The following HECW1 variants were observed in gnomAD, a reference collection of about 807,000 sequenced individuals.
The protein encoded by HECW1 is E3 ubiquitin-protein ligase HECW1.
Under a neutral mutation model 182.3 loss-of-function variants are expected in HECW1, and 61 were observed. The observed-to-expected ratio is 0.33, with a 90% confidence interval of 0.27 to 0.41. The LOEUF (loss-of-function observed/expected upper bound fraction) is 0.41. Ranked by LOEUF, HECW1 falls within the 10% of genes least tolerant of loss-of-function variation. The probability of loss-of-function intolerance (pLI) is 1.00; values close to 1 mark genes in which losing one functional copy is unlikely to be tolerated. For missense variants in HECW1, 1,739 were observed against 2,108.9 expected, an observed-to-expected ratio of 0.82 and a Z score of 3.44; for synonymous variants, 859 against 832.6, an observed-to-expected ratio of 1.03 and a Z score of -0.55.
intron 2 of HECW1, among the ~76,000 whole-genome samples, chr7:43,201,897 T>C (rs1312498278): frequency 6.6e-6 from 1 of 152,222 alleles, no homozygotes; most frequent in East Asian, 1.9e-4. Context: ...ACTAAAATAA[T>C]GGTTCATGTG....
chr7:43,497,423 TC>T (rs1234635938), intron 19 of HECW1, among the ~76,000 whole-genome samples: 1 of 152,178 alleles, frequency 6.6e-6, no homozygotes, highest in Non-Finnish European at 1.5e-5. Context: ...TGAGAAGTTT[TC>T]AGCTGGAAAG....
intron 8 of HECW1, among the ~76,000 whole-genome samples, chr7:43,416,133 T>C (rs997847114): frequency 4.0e-5 from 6 of 151,166 alleles, no homozygotes; most frequent in African/African-American, 1.5e-4. Flanking sequence ...AGTTTTTCTG[T>C]TCTGTTTTTT....
At chr7:43,520,636 T>C (rs1397958038) in intron 24 of HECW1, among the ~76,000 whole-genome samples, 1 of 152,122 alleles carries the variant, frequency 6.6e-6, no homozygotes, top group Non-Finnish European at 1.5e-5. Flanking sequence ...TTATTATTAT[T>C]ATTCTACTTT....
At chr7:43,449,816 G>A (rs2077173950) in intron 11 of HECW1, among the ~76,000 whole-genome samples, 1 of 152,154 alleles carries the variant, frequency 6.6e-6, no homozygotes, top group Admixed American at 6.5e-5. Context: ...TTTGTCCCGG[G>A]CCCTTCTCAC....
At chr7:43,504,894 A>G (rs1429924476) in intron 21 of HECW1, among the ~76,000 whole-genome samples, 1 of 152,172 alleles carries the variant, frequency 6.6e-6, no homozygotes, top group Non-Finnish European at 1.5e-5. Flanking sequence ...GAGGTCACGA[A>G]AGGAGGTGTC....
intron 2 of HECW1, among the ~76,000 whole-genome samples, chr7:43,196,555 G>A (rs1407053083): frequency 6.6e-6 from 1 of 152,158 alleles, no homozygotes; most frequent in Non-Finnish European, 1.5e-5. Context: ...CTCTCAGAGG[G>A]TAACTGCATA....
At chr7:43,401,503 C>T (rs2075405943) in intron 7 of HECW1, among the ~76,000 whole-genome samples, 1 of 149,626 alleles carries the variant, frequency 6.7e-6, no homozygotes, top group African/African-American at 2.4e-5. Flanking sequence ...AGAAGACCAT[C>T]AGGTGCTCAG....
chr7:43,322,537 G>A (rs374516282), intron 5 of HECW1, among the ~76,000 whole-genome samples: 1 of 151,850 alleles, frequency 6.6e-6, no homozygotes, highest in Non-Finnish European at 1.5e-5. Flanking sequence ...ACATAAACTC[G>A]CCCTCAGCCC....
chr7:43,241,779 G>A (rs1226185068), intron 2 of HECW1, among the ~76,000 whole-genome samples: 1 of 152,038 alleles, frequency 6.6e-6, no homozygotes, highest in African/African-American at 2.4e-5. Context: ...AATTTTGCAA[G>A]ATAGACATTA....
At chr7:43,547,953 A>G (rs917515830) in intron 26 of HECW1, among the ~76,000 whole-genome samples, 1 of 152,268 alleles carries the variant, frequency 6.6e-6, no homozygotes, top group African/African-American at 2.4e-5. Flanking sequence ...GAGGCTATTC[A>G]TCAGCAACAC....
At chr7:43,424,210 A>G (rs1264627939) in intron 8 of HECW1, among the ~76,000 whole-genome samples, 1 of 152,126 alleles carries the variant, frequency 6.6e-6, no homozygotes, top group African/African-American at 2.4e-5. Context: ...GTCTTGCTGG[A>G]AGAAAATTAC....
rs71008897 is a variant in HECW1 at position 43,221,537 on chromosome 7, GTTTTTTTTTTTTTTTTTTTTTTTTT to G, written c.-31-22320_-31-22296del. 7.0e-3 allele frequency among the ~76,000 whole-genome samples: 352 copies of G among 50,542 alleles called. 2 individuals carry two copies. The highest frequency in any genetic ancestry group is 0.013 in the South Asian group (12 of 902). The allele number at this position is 50,542 out of a possible 152,430, so 33.2% of individuals were successfully genotyped here. A position where few individuals can be genotyped will look rare whatever the true frequency, so the allele number is the denominator to read the frequency against. ...CTAAACTAAATGTCAGAGGAATTAG[GTTTTTTTTTTTTTTTTTTTTTTTTT>G]TTTTTTTTTTTTTTTTTGGGACAGC... On this transcript the variant is annotated intron_variant, in intron 2 of 29. Coordinates refer to ENST00000395891, the MANE Select transcript of HECW1 (RefSeq NM_015052.5).
intron 2 of HECW1, among the ~76,000 whole-genome samples, chr7:43,153,845 A>T (rs1287738960): frequency 6.6e-6 from 1 of 152,230 alleles, no homozygotes; most frequent in African/African-American, 2.4e-5. Flanking sequence ...GATTGAGATA[A>T]TATTTACTAT....
intron 5 of HECW1, among the ~76,000 whole-genome samples, chr7:43,329,150 G>A (rs1034412638): frequency 2.0e-5 from 3 of 152,154 alleles, no homozygotes; most frequent in Non-Finnish European, 4.4e-5. Flanking sequence ...CGGCCAGTTG[G>A]GAAGGAAGGT....
chr7:43,478,290 C>T (rs1456596090), intron 16 of HECW1, among the ~76,000 whole-genome samples: 6 of 151,548 alleles, frequency 4.0e-5, no homozygotes, highest in Admixed American at 2.6e-4. Context: ...GGGGTGTGCA[C>T]CTGTAATCCC....
chr7:43,192,542 G>C (rs905872079), intron 2 of HECW1, among the ~76,000 whole-genome samples: 3 of 149,274 alleles, frequency 2.0e-5, no homozygotes, highest in African/African-American at 7.5e-5. Flanking sequence ...AAAGAAAAAA[G>C]TGGTACACTA....
At chr7:43,463,903 G>C (rs2077671177) in intron 14 of HECW1, 104 bp downstream of exon 14, 10 of 1,324,668 alleles carry the variant, frequency 7.5e-6, no homozygotes, top group Non-Finnish European at 1.0e-5. Flanking sequence ...TGTGCCCCAG[G>C]GTGAAGAGAG....
chr7:43,471,729 A>G (rs2078033258), intron 16 of HECW1, among the ~76,000 whole-genome samples: 2 of 152,180 alleles, frequency 1.3e-5, no homozygotes, highest in Admixed American at 1.3e-4. Flanking sequence ...TCAGAGAGGT[A>G]GGGTGATGGG....
At chr7:43,447,077 G>A (rs2077081732) in intron 11 of HECW1, among the ~76,000 whole-genome samples, 1 of 152,158 alleles carries the variant, frequency 6.6e-6, no homozygotes, top group Admixed American at 6.5e-5. Flanking sequence ...ACAGAGGTCT[G>A]TAGATTTTTC....
Sources: gnomAD v4.1 joint callset for allele counts (sites outside exome capture counted in the v4.1 genomes callset) on GRCh38, gnomAD v4.1.1 for gene constraint, MANE v1.5 for transcripts, NCBI Gene and HGNC (gene_info 2026-07-23, HGNC 2026-07-21) for gene names.